CPXM2: variants seen among roughly 807,000 people sequenced by gnomAD.
CPXM2 encodes carboxypeptidase X, M14 family member 2, also known as inactive carboxypeptidase-like protein X2.
A neutral mutation model predicts 86.1 loss-of-function variants in CPXM2; 66 were observed. The ratio of observed to expected loss-of-function variants is 0.77; its 90% CI spans 0.63 to 0.94. The LOEUF (loss-of-function observed/expected upper bound fraction) is 0.94, where lower values mean the gene tolerates loss of function less well. Among genes scored for constraint, CPXM2 ranks in the 40% least tolerant of loss-of-function variants. The probability of loss-of-function intolerance (pLI) is 0.00; values close to 1 mark genes in which losing one functional copy is unlikely to be tolerated. For synonymous variants in CPXM2, 388 were observed against 400.2 expected (o/e 0.97, Z 0.36); for missense variants, 948 against 1,026.3 (o/e 0.92, Z 1.04).
In CPXM2 at chr10:123,880,316, G is replaced by T; in HGVS notation, c.305-7C>A. 8 of 1,312,422 alleles carry T rather than the reference G, an allele frequency of 6.1e-6. No homozygotes were observed. Among genetic ancestry groups the T allele is most frequent in the Non-Finnish European group, 8.8e-6 (8 of 904,712 alleles). 81.3% of individuals were successfully genotyped at this position (1,312,422 alleles called of 1,614,324 possible). On this transcript the variant is annotated splice_polypyrimidine_tract_variant and splice_region_variant and intron_variant, in intron 1 of 13. Transcript: ENST00000241305. ...TTTTTGTTGCTGTGTTTACCTAAAG[G>T]GGGAGAGAGAGATGCCTTTACTTTC...
chr10:123,807,471 T>C (rs1288800809), intron 4 of CPXM2, among the ~76,000 whole-genome samples: 7 of 152,226 alleles, frequency 4.6e-5, no homozygotes, highest in East Asian at 1.9e-4. Context: ...GGTTAAGTCC[T>C]GCTCCTCTCC....
At chr10:123,843,317 T>C (rs1848425797) in intron 3 of CPXM2, 4 of 454,836 alleles carry the variant, frequency 8.8e-6, no homozygotes, top group Non-Finnish European at 1.8e-5. Context: ...TTCTCTATAT[T>C]ATCACCATGT....
At chr10:123,807,757 A>G (rs556282755) in intron 4 of CPXM2, among the ~76,000 whole-genome samples, 1 of 152,302 alleles carries the variant, frequency 6.6e-6, no homozygotes, top group South Asian at 2.1e-4. Flanking sequence ...AGGCAAATCC[A>G]TTGTTATTAA....
intron 2 of CPXM2, among the ~76,000 whole-genome samples, chr10:123,937,465 AAAACAACACACAC>A (rs1160743142): frequency 0.016 from 2,260 of 139,890 alleles, 55 homozygotes; most frequent in African/African-American, 0.056. Context: ...ACAAGACAAC[AAAACAACACACAC>A]ACACACACAC....
At chr10:123,782,320 G>T (rs1391633492) in intron 6 of CPXM2, among the ~76,000 whole-genome samples, 2 of 152,190 alleles carry the variant, frequency 1.3e-5, no homozygotes, top group African/African-American at 4.8e-5. Context: ...AACCTCGGGG[G>T]CGTCTTTTCA....
chr10:123,886,402 G>A (rs977727011), intron 1 of CPXM2, among the ~76,000 whole-genome samples: 3 of 152,070 alleles, frequency 2.0e-5, no homozygotes, highest in South Asian at 2.1e-4. Flanking sequence ...ACTGGCTTAC[G>A]GCACACACAA....
upstream of CPXM2, among the ~76,000 whole-genome samples, chr10:123,896,874 TTC>T (rs1214989186): frequency 6.6e-6 from 1 of 152,158 alleles, no homozygotes; most frequent in East Asian, 1.9e-4. Flanking sequence ...GTAAGCTGGG[TTC>T]TCTGTTTGCA....
Position 123,891,206 on chromosome 10 carries a change from G to T in CPXM2, c.304+150C>A. The T allele has an allele frequency of 1.6e-6, 1 of 642,016 alleles. No homozygotes were observed. 39.8% of individuals were successfully genotyped at this position (642,016 alleles called of 1,614,324 possible). On this transcript the variant is annotated intron_variant, in intron 1 of 13. Coordinates refer to ENST00000241305, the MANE Select transcript of CPXM2 (RefSeq NM_198148.3). The surrounding 1 kb of genome is among the most constrained non-coding windows in gnomAD (Gnocchi z 5.6). ...GCTGGGCGGGCCGGCAGGAAGCGCA[G>T]ATACAGTCCCTAGGGAGGCAGAGGC...
At chr10:123,832,944 G>A (rs1432531121) in intron 4 of CPXM2, among the ~76,000 whole-genome samples, 1 of 152,004 alleles carries the variant, frequency 6.6e-6, no homozygotes, top group Non-Finnish European at 1.5e-5. Context: ...CATCCTTTCC[G>A]CCATGGGAGG....
chr10:123,792,455 G>A (rs1281060773), intron 6 of CPXM2, among the ~76,000 whole-genome samples: 1 of 152,186 alleles, frequency 6.6e-6, no homozygotes, highest in East Asian at 1.9e-4. Flanking sequence ...AGCTAGCCAG[G>A]ATGGAAGAAG....
At chr10:123,906,476 A>G (rs1373376452) in intron 2 of CPXM2, among the ~76,000 whole-genome samples, 1 of 152,050 alleles carries the variant, frequency 6.6e-6, no homozygotes, top group Non-Finnish European at 1.5e-5. Flanking sequence ...CTGTTCCCCA[A>G]ACACCCTTGC....
intron 2 of CPXM2, among the ~76,000 whole-genome samples, chr10:123,918,465 A>G (rs1945552750): frequency 6.6e-6 from 1 of 152,192 alleles, no homozygotes; most frequent in Admixed American, 6.5e-5. Context: ...AACTCGAAGA[A>G]ATACAGATCC....
upstream of CPXM2, among the ~76,000 whole-genome samples, chr10:123,943,713 A>C (rs1945798318): frequency 6.6e-6 from 1 of 152,236 alleles, no homozygotes; most frequent in Non-Finnish European, 1.5e-5. Context: ...TGTTGCTGAC[A>C]GCCTGGTAGG....
chr10:123,907,445 G>T (rs756622734), intron 2 of CPXM2, among the ~76,000 whole-genome samples: 1 of 152,120 alleles, frequency 6.6e-6, no homozygotes, highest in Non-Finnish European at 1.5e-5. Flanking sequence ...ATCGCTGGGC[G>T]GGGCCCTCGC....
intron 4 of CPXM2, among the ~76,000 whole-genome samples, chr10:123,838,439 G>A (rs1473802686): frequency 6.6e-6 from 1 of 152,182 alleles, no homozygotes; most frequent in Non-Finnish European, 1.5e-5. Context: ...GGGTGACAGA[G>A]CGAGACTCCA....
At chr10:123,859,334 C>T (rs1046728565) in intron 3 of CPXM2, among the ~76,000 whole-genome samples, 20 of 152,350 alleles carry the variant, frequency 1.3e-4, no homozygotes, top group Non-Finnish European at 2.2e-4. Flanking sequence ...TAATTATGCA[C>T]CTGTGACAGT....
chr10:123,783,067 G>A (rs936875975), intron 6 of CPXM2, among the ~76,000 whole-genome samples: 5 of 152,230 alleles, frequency 3.3e-5, no homozygotes, highest in African/African-American at 1.2e-4. Context: ...AGATCAGGAA[G>A]TTACCTTATA....
At chr10:123,752,724 G>A (rs1377971328) in intron 13 of CPXM2, 3 of 522,380 alleles carry the variant, frequency 5.7e-6, no homozygotes, top group Non-Finnish European at 7.4e-6. Flanking sequence ...GAAGTCTCCA[G>A]TGCTTGGCTC....
At chr10:123,920,699 A>T (rs1945572749) in intron 2 of CPXM2, among the ~76,000 whole-genome samples, 1 of 152,228 alleles carries the variant, frequency 6.6e-6, no homozygotes, top group African/African-American at 2.4e-5. Flanking sequence ...CTTAATCCCC[A>T]ATATGATAGT....
Sources: allele counts gnomAD v4.1 joint callset (sites outside exome capture counted in the v4.1 genomes callset), GRCh38; gene constraint gnomAD v4.1.1; non-coding constraint Gnocchi (gnomAD v3.1); transcripts MANE v1.5; gene names NCBI Gene and HGNC (gene_info 2026-07-23, HGNC 2026-07-21).